Variants in MED16 observed in about 807,000 individuals in gnomAD.
The protein encoded by MED16 is mediator of RNA polymerase II transcription subunit 16.
In MED16, 81 loss-of-function variants were observed where a neutral mutation model predicts 84.4. The observed-to-expected ratio is 0.96, with a 90% CI of 0.80 to 1.15. MED16 has a LOEUF of 1.15. Among genes scored for constraint, MED16 ranks in the 50% most tolerant of loss-of-function variants. The pLI is 0.00. For missense variants in MED16, 1,585 were observed against 1,245.9 expected (o/e 1.27, Z -4.10); for synonymous variants, 897 against 552.2 (o/e 1.62, Z -8.76).
chr19:868,105 G>T lies in MED16; in HGVS notation c.2630C>A (p.Pro877Gln). Residue 877 changes from proline (P) to glutamine (Q), a missense_variant, in exon 16 of 16, where the codon CCG (proline) becomes CAG (glutamine). Transcript: ENST00000325464. ...SLDHLHPEDR[P>Q] Reference sequence around the variant, plus strand: ...GTCCGCCTGGACCCCCGGCCGTCACGGACGGTCCTCTGGATGCAGATGGTC... The same window carrying T: ...GTCCGCCTGGACCCCCGGCCGTCACTGACGGTCCTCTGGATGCAGATGGTC... 6.2e-7 allele frequency: 1 copy of T among 1,607,606 alleles called. No homozygotes were observed.
At chr19:880,814 G>A (rs550170812) in intron 7 of MED16, among the ~76,000 whole-genome samples, 87 of 152,060 alleles carry the variant, frequency 5.7e-4, no homozygotes, top group African/African-American at 2.0e-3. Flanking sequence ...CCAGCTACTC[G>A]GGAGGCTGAG....
intron 12 of MED16, 140 bp from the exon 13 acceptor site, chr19:871,393 G>A (rs1016061333): frequency 4.6e-6 from 6 of 1,304,628 alleles, no homozygotes; most frequent in East Asian, 2.5e-5. Context: ...TGACCCCGGG[G>A]TTCTCTCACC....
intron 10 of MED16, among the ~76,000 whole-genome samples, chr19:874,392 G>A (rs58619968): frequency 9.9e-5 from 15 of 152,230 alleles, no homozygotes; most frequent in East Asian, 1.9e-4. Context: ...GATTACACAC[G>A]AGTCGCCACG....
chr19:888,001 G>C lies in MED16; in HGVS notation c.447+1637C>G, dbSNP rs149409159. Among the ~76,000 whole-genome samples the C allele has an allele frequency of 4.6e-3, 693 of 151,956 alleles. 6 individuals are homozygous for C. The highest frequency in any genetic ancestry group is 0.016 in the African/African-American group (674 of 41,432). On this transcript the variant is annotated intron_variant, in intron 4 of 15. Coordinates refer to ENST00000325464, the MANE Select transcript of MED16 (RefSeq NM_005481.3). ...GCAGATCACCTGAGGTTAGGAGTTC[G>C]AGACCACCCTGACCAACATGGAGAA...
chr19:873,065 TCCG>T (rs1455230807), intron 11 of MED16: 4 of 98,128 alleles, frequency 4.1e-5, no homozygotes, highest in Admixed American at 7.8e-4. Flanking sequence ...GGGGCAGGGC[TCCG>T]AGGTGGGGGA....
intron 12 of MED16, 157 bp downstream of exon 12, chr19:871,769 G>C (rs1182887655): frequency 3.7e-5 from 17 of 462,158 alleles, no homozygotes; most frequent in African/African-American, 3.6e-4. Flanking sequence ...GAGGGGAGCG[G>C]GGAGAGGGGA....
chr19:888,694 TACAG>T (rs1214684243), intron 4 of MED16, among the ~76,000 whole-genome samples: 3 of 151,818 alleles, frequency 2.0e-5, no homozygotes, highest in Non-Finnish European at 4.4e-5. Flanking sequence ...AAACAGGAAA[TACAG>T]ACAAACGGGG....
chr19:873,904 G>A (rs1012966492), intron 10 of MED16, among the ~76,000 whole-genome samples: 5 of 152,110 alleles, frequency 3.3e-5, no homozygotes, highest in Non-Finnish European at 7.4e-5. Context: ...CCCCTGCTCC[G>A]AGGTGAACTC....
Position 871,250 on chromosome 19 carries a change from C to A in MED16, c.2102G>T (p.Arg701Leu), listed in dbSNP as rs373503269. The change falls in exon 13 of 16, where the codon CGC (arginine) becomes CTC (leucine). Residue 701 changes from arginine to leucine, a missense_variant. By Grantham distance (102) the Arg-to-Leu change is moderately radical. Transcript: ENST00000325464. ...CGGCTCGCTCGCTGGGCCCTCATCG[C>A]GACCTGCGGAGAGAGGTGGCGGAAG... ...RLLTKLWICC[R>L]DEGPASEPDE... 1.3e-6 allele frequency: 2 copies of A among 1,535,364 alleles called. No individual in the cohort carries two copies. The highest frequency in any genetic ancestry group is 1.8e-6 in the Non-Finnish European group (2 of 1,136,208).
chr19:875,579 C>T lies in MED16; in HGVS notation c.1561-125G>A, dbSNP rs2036212034. The stretch of plus-strand genomic sequence containing the variant: ...TCGGTCAGCTGGGCAAGCTGCTTCG[C>T]CTCTGCACCTCAGCAACCTCATGGC... On this transcript the variant is annotated intron_variant, in intron 9 of 15. Transcript: ENST00000325464. 7.1e-6 allele frequency: 5 copies of T among 706,830 alleles called. No individual in the cohort carries two copies. The Admixed American group carries it at 1.4e-4, about 20-fold the overall frequency. The allele number at this position is 706,830 out of a possible 1,614,324, so 43.8% of individuals were successfully genotyped here. A position where few individuals can be genotyped will look rare whatever the true frequency, so the allele number is the denominator to read the frequency against.
intron 7 of MED16, 29 bp from the exon 8 acceptor site, chr19:880,177 G>A (rs1301083452): frequency 6.9e-6 from 11 of 1,588,632 alleles, no homozygotes; most frequent in Admixed American, 3.5e-5. Flanking sequence ...GCTTAGACAT[G>A]GGCAGGGCCC....
intron 12 of MED16, 100 bp from the exon 13 acceptor site, chr19:871,353 C>A: frequency 7.3e-7 from 1 of 1,374,974 alleles, no homozygotes; most frequent in Admixed American, 2.2e-5. Context: ...AGCACCAGGT[C>A]AGGGCCCCAG....
chr19:881,481 C>T lies in MED16; in HGVS notation c.1141+78G>A, dbSNP rs2036421764. The T allele has an allele frequency of 7.3e-6, 11 of 1,505,940 alleles. No individual in the cohort carries two copies. The South Asian group carries it at 1.2e-4, about 17-fold the overall frequency. The allele number at this position is 1,505,940 out of a possible 1,614,324, so 93.3% of individuals were successfully genotyped here. A position where few individuals can be genotyped will look rare whatever the true frequency, so the allele number is the denominator to read the frequency against. On this transcript the variant is annotated intron_variant, in intron 7 of 15. Transcript: ENST00000325464. Reference sequence around the variant, plus strand: ...CGTCCTCTGGTGTGAGCTCCCACGACCCCGTGGCCTGTGCTCAGGGCCCAA... The same window carrying T: ...CGTCCTCTGGTGTGAGCTCCCACGATCCCGTGGCCTGTGCTCAGGGCCCAA...
intron 9 of MED16, 125 bp downstream of exon 9, chr19:876,849 C>CCCACCTGGCACGGGA (rs1393582660): frequency 2.7e-5 from 24 of 891,708 alleles, no homozygotes; most frequent in East Asian, 2.4e-4. Context: ...CAGGGACAGC[C>CCCACCTGGCACGGGA]CCACCTGGCA....
intron 1 of MED16, 148 bp downstream of exon 1, chr19:892,935 CGCG>C (rs1260684352): frequency 3.1e-5 from 4 of 129,846 alleles, no homozygotes; most frequent in Non-Finnish European, 7.0e-5. Context: ...CCCCGCGCCC[CGCG>C]CCCCAGGCCG....
chr19:872,479 G>A (rs1249419413), intron 11 of MED16, among the ~76,000 whole-genome samples: 2 of 152,086 alleles, frequency 1.3e-5, no homozygotes, highest in Non-Finnish European at 2.9e-5. Context: ...GAGAGGACCA[G>A]GGAAGGGAGG....
At chr19:873,831 C>T (rs975870620) in intron 10 of MED16, among the ~76,000 whole-genome samples, 19 of 152,108 alleles carry the variant, frequency 1.2e-4, no homozygotes, top group Non-Finnish European at 2.2e-4. Context: ...CAGGCCTTGG[C>T]GTGGGCAGGT....
intron 6 of MED16, among the ~76,000 whole-genome samples, chr19:882,276 C>T (rs1017496610): frequency 2.0e-5 from 3 of 152,356 alleles, no homozygotes; most frequent in East Asian, 1.9e-4. Flanking sequence ...GGGAAGCCAA[C>T]GCCAGAGGAT....
chr19:891,468 C>T (rs561414792), intron 1 of MED16, among the ~76,000 whole-genome samples: 6 of 152,182 alleles, frequency 3.9e-5, no homozygotes, highest in Non-Finnish European at 8.8e-5. Context: ...GGAGACGCAG[C>T]GGAGGGTCTG....
Sources: allele counts gnomAD v4.1 joint callset (sites outside exome capture counted in the v4.1 genomes callset), GRCh38; gene constraint gnomAD v4.1.1; transcripts MANE v1.5; gene names NCBI Gene and HGNC (gene_info 2026-07-23, HGNC 2026-07-21).